NELL1: variants seen among roughly 807,000 people sequenced by gnomAD.
NELL1 encodes the protein protein kinase C-binding protein NELL1.
A neutral mutation model predicts 107.4 loss-of-function variants in NELL1; 76 were observed. The observed-to-expected ratio is 0.71, with a 90% CI of 0.59 to 0.86. NELL1 has a LOEUF of 0.86. Among genes scored for constraint, NELL1 ranks in the 40% least tolerant of loss-of-function variants. The probability of loss-of-function intolerance (pLI) is 0.00; values close to 1 mark genes in which losing one functional copy is unlikely to be tolerated. For missense variants in NELL1, 1,024 were observed against 1,005.5 expected, an observed-to-expected ratio of 1.02 and a Z score of -0.25; for synonymous variants, 353 against 341.2, an observed-to-expected ratio of 1.03 and a Z score of -0.38.
At chr11:21,169,643 A>G in intron 13 of NELL1, 2 of 414,832 alleles carry the variant, frequency 4.8e-6, no homozygotes, top group South Asian at 4.6e-5. Flanking sequence ...TTCTCTTAGT[A>G]TGTTTAGGCA....
chr11:21,252,103 A>G (rs1040290116), intron 14 of NELL1, among the ~76,000 whole-genome samples: 5 of 152,204 alleles, frequency 3.3e-5, no homozygotes, highest in African/African-American at 1.2e-4. Context: ...GACATTCATT[A>G]TTCTATTTAT....
chr11:21,463,694 G>A (rs150632051), intron 15 of NELL1, among the ~76,000 whole-genome samples: 1 of 152,010 alleles, frequency 6.6e-6, no homozygotes, highest in Non-Finnish European at 1.5e-5. Flanking sequence ...TTTATCTATT[G>A]CTGTATAACA....
chr11:20,686,130 C>T (rs1854299635), intron 2 of NELL1, among the ~76,000 whole-genome samples: 1 of 151,808 alleles, frequency 6.6e-6, no homozygotes, highest in Admixed American at 6.6e-5. Flanking sequence ...TTTATTTCTC[C>T]TAATATTTCA....
chr11:21,497,024 C>T (rs968728753), intron 15 of NELL1, among the ~76,000 whole-genome samples: 4 of 151,410 alleles, frequency 2.6e-5, no homozygotes, highest in African/African-American at 9.7e-5. Flanking sequence ...TCCAGTCTAT[C>T]ATTGTTGGAC....
chr11:20,865,162 GCT>G (rs1355416021), intron 4 of NELL1, among the ~76,000 whole-genome samples: 1 of 152,164 alleles, frequency 6.6e-6, no homozygotes, highest in Non-Finnish European at 1.5e-5. Flanking sequence ...ACTTGTAGGA[GCT>G]CTGAAATCTA....
intron 2 of NELL1, among the ~76,000 whole-genome samples, chr11:20,729,233 T>C (rs1855575481): frequency 6.6e-6 from 1 of 152,138 alleles, no homozygotes; most frequent in South Asian, 2.1e-4. Flanking sequence ...TTCCTAGATA[T>C]AGAATTGTAT....
chr11:21,234,204 A>G lies in NELL1; in HGVS notation c.1549+4750A>G, dbSNP rs550956898. On this transcript the variant is annotated intron_variant, in intron 14 of 19. Coordinates refer to ENST00000357134, the MANE Select transcript of NELL1 (RefSeq NM_006157.5). ...GCAGAACCCAGAGAAAAATGCAAGC[A>G]TGGGCTCCTAGTTCGAAAAGCAGGA... 7.2e-5 allele frequency among the ~76,000 whole-genome samples: 11 copies of G among 152,372 alleles called. No individual in the cohort carries two copies. In the South Asian group the frequency reaches 8.3e-4, roughly 11 times the overall value.
chr11:21,172,633 AT>A (rs1050330708), intron 13 of NELL1, among the ~76,000 whole-genome samples: 66 of 151,024 alleles, frequency 4.4e-4, no homozygotes, highest in African/African-American at 1.3e-3. Context: ...ATTTTTAATT[AT>A]TTTTTTTTCT....
Position 20,677,920 on chromosome 11 carries a change from G to T in NELL1, c.56-12G>T. 3 of 1,613,860 alleles carry T rather than the reference G, an allele frequency of 1.9e-6. No homozygotes were observed. The highest frequency in any genetic ancestry group is 2.5e-6 in the Non-Finnish European group (3 of 1,179,814). The stretch of plus-strand genomic sequence containing the variant: ...GCATTTTAAGCCCAAACAACTCTTT[G>T]TTCCTTTCCAGTGGTGGGCTTTGGG... On this transcript the variant is annotated splice_polypyrimidine_tract_variant and intron_variant, in intron 1 of 19. Coordinates refer to ENST00000357134, the MANE Select transcript of NELL1 (RefSeq NM_006157.5).
At position 20,669,747 on chromosome 11, in the gene NELL1, T is replaced by C. The variant is rs777693450; in HGVS notation, c.24T>C (p.Val8=). 2 of 1,613,018 alleles carry C rather than the reference T, an allele frequency of 1.2e-6. No individual in the cohort carries two copies. Among genetic ancestry groups the C allele is most frequent in the African/African-American group, 2.7e-5 (2 of 74,914 alleles). Residue 8 remains valine, a synonymous_variant, in exon 1 of 20, where the codon GTT becomes GTC. Transcript: ENST00000357134. This position sits in a 1 kb window ranked among gnomAD's most constrained non-coding sequence, Gnocchi z 4.4. MPMDLIL[V]VWFCVCTART... is the part of the protein sequence containing the mutation. ...CGATGCCGATGGATTTGATTTTAGT[T>C]GTGTGGTTCTGTGTGTGCACTGCCA...
chr11:21,483,365 A>C (rs1258886570), intron 15 of NELL1, among the ~76,000 whole-genome samples: 1 of 152,092 alleles, frequency 6.6e-6, no homozygotes, highest in Non-Finnish European at 1.5e-5. Flanking sequence ...AAAAGGATAC[A>C]TTTTCTTGTT....
intron 4 of NELL1, among the ~76,000 whole-genome samples, chr11:20,863,977 G>T (rs1302185250): frequency 6.6e-6 from 1 of 151,280 alleles, no homozygotes; most frequent in South Asian, 2.1e-4. Context: ...GCGTGGCGGC[G>T]CGCGCCTGCA....
intron 13 of NELL1, among the ~76,000 whole-genome samples, chr11:21,159,413 A>T (rs1157900661): frequency 6.6e-6 from 1 of 152,226 alleles, no homozygotes; most frequent in Non-Finnish European, 1.5e-5. Context: ...ATAAATGCAC[A>T]TCTAAGATCC....
At chr11:20,951,396 C>T (rs758911003) in intron 11 of NELL1, among the ~76,000 whole-genome samples, 2 of 152,114 alleles carry the variant, frequency 1.3e-5, no homozygotes, top group Non-Finnish European at 2.9e-5. Context: ...ATACAGGCTA[C>T]ATCTTTACAT....
At chr11:20,971,792 G>C (rs1564993273) in intron 12 of NELL1, among the ~76,000 whole-genome samples, 1 of 152,058 alleles carries the variant, frequency 6.6e-6, no homozygotes, top group Non-Finnish European at 1.5e-5. Context: ...TCTTTTTAAA[G>C]AATTGCTATA....
intron 14 of NELL1, among the ~76,000 whole-genome samples, chr11:21,362,102 GT>G (rs1851089224): frequency 6.6e-6 from 1 of 151,920 alleles, no homozygotes; most frequent in African/African-American, 2.4e-5. Flanking sequence ...TTCTTTTTTT[GT>G]TTTTTCATTT....
intron 14 of NELL1, among the ~76,000 whole-genome samples, chr11:21,282,000 A>G (rs1224886090): frequency 6.6e-6 from 1 of 152,188 alleles, no homozygotes; most frequent in Non-Finnish European, 1.5e-5. Context: ...GGCAAATGGG[A>G]TCACATTAAG....
In NELL1 at chr11:20,947,339, G is replaced by A. The variant is rs1312307752; in HGVS notation, c.1075G>A (p.Gly359Arg). ...TTCCCTAATATTTGGCTTCCAGGGT[G>A]GAGTTTTAGTAAAAATTACAGAAAT... ...LTKSCRECRG[G>R]VLVKITEMCP... The change falls in exon 11 of 20, where the codon GGA (glycine) becomes AGA (arginine). Residue 359 changes from glycine to arginine, a missense_variant. Physicochemically the swap from Gly to Arg is moderately radical, Grantham distance 125 (BLOSUM62 -2). Transcript: ENST00000357134. 1 of 1,611,886 alleles carries A rather than the reference G, an allele frequency of 6.2e-7. No individual in the cohort carries two copies. Among genetic ancestry groups the A allele is most frequent in the East Asian group, 2.2e-5 (1 of 44,870 alleles).
chr11:21,501,394 C>A (rs974819968), intron 15 of NELL1, among the ~76,000 whole-genome samples: 4 of 152,150 alleles, frequency 2.6e-5, no homozygotes, highest in Admixed American at 2.6e-4. Context: ...TCATCTGAAG[C>A]TTAGCTCACA....
Sources: gnomAD v4.1 joint callset for allele counts (sites outside exome capture counted in the v4.1 genomes callset) on GRCh38, gnomAD v4.1.1 for gene constraint, Gnocchi (gnomAD v3.1) non-coding constraint, MANE v1.5 for transcripts, NCBI Gene and HGNC (gene_info 2026-07-23, HGNC 2026-07-21) for gene names.